The following KLHL12 variants were observed in gnomAD, a reference collection of about 807,000 sequenced individuals.
The protein encoded by KLHL12 is kelch-like protein 12.
Under a neutral mutation model 60.8 loss-of-function variants are expected in KLHL12, and 17 were observed. The ratio of observed to expected loss-of-function variants is 0.28; its 90% CI spans 0.19 to 0.42. KLHL12 has a LOEUF of 0.42. Ranked by LOEUF, KLHL12 falls within the 10% of genes least tolerant of loss-of-function variation. KLHL12 has a pLI of 1.00. For synonymous variants in KLHL12, 220 were observed against 250.9 expected (o/e 0.88, Z 1.16); for missense variants, 468 against 722.3 (o/e 0.65, Z 4.04).
rs952379164 is a variant in KLHL12 at position 202,909,167 on chromosome 1, G to A, written c.718-43C>T. The A allele has an allele frequency of 8.1e-7, 1 of 1,228,422 alleles. No homozygotes were observed. Among genetic ancestry groups the A allele is most frequent in the African/African-American group, 1.5e-5 (1 of 67,100 alleles). The allele number at this position is 1,228,422 out of a possible 1,614,324, so 76.1% of individuals were successfully genotyped here. ...GCAGAGTTAGGCACTGGGGATACCT[G>A]TAATACTATAAGAGTACAAAGAGCA... On this transcript the variant is annotated intron_variant, in intron 5 of 11. Transcript: ENST00000367261. The surrounding 1 kb of genome is among the most constrained non-coding windows in gnomAD (Gnocchi z 4.1).
chr1:202,915,893 G>A (rs1299871889), intron 4 of KLHL12, among the ~76,000 whole-genome samples: 1 of 152,236 alleles, frequency 6.6e-6, no homozygotes, highest in African/African-American at 2.4e-5. Flanking sequence ...TGCAGCACAT[G>A]GAAATGTTCT....
rs377719791 is a variant in KLHL12 at position 202,895,761 on chromosome 1, A to T, written c.940-44T>A. ...GAGGTACAGAGCATTTCAGTTAGGC[A>T]AGTTTTGGGCCTTACCTTTTGCTAT... On this transcript the variant is annotated intron_variant, in intron 7 of 11. Coordinates refer to ENST00000367261, the MANE Select transcript of KLHL12 (RefSeq NM_021633.4). The surrounding 1 kb of genome is among the most constrained non-coding windows in gnomAD (Gnocchi z 4.2). 6 of 1,523,330 alleles carry T rather than the reference A, an allele frequency of 3.9e-6. No individual in the cohort carries two copies. In the African/African-American group the frequency reaches 6.8e-5, roughly 17 times the overall value. 94.4% of individuals were successfully genotyped at this position (1,523,330 alleles called of 1,614,324 possible). A position where few individuals can be genotyped will look rare whatever the true frequency, so the allele number is the denominator to read the frequency against.
chr1:202,897,257 C>T (rs1320213693), intron 6 of KLHL12, among the ~76,000 whole-genome samples: 1 of 101,708 alleles, frequency 9.8e-6, no homozygotes, highest in Non-Finnish European at 1.9e-5. Flanking sequence ...TTTTTGGAGA[C>T]AGAGTTTCGC....
At chr1:202,912,071 CA>C in intron 4 of KLHL12, 1 of 793,204 alleles carries the variant, frequency 1.3e-6, no homozygotes, top group Non-Finnish European at 2.2e-6. Context: ...GTTGGAGAAC[CA>C]AAGAGAGCTG....
In KLHL12 at chr1:202,918,170, C is replaced by T; in HGVS notation, c.567+1G>A. 2 of 1,607,940 alleles carry T rather than the reference C, an allele frequency of 1.2e-6. No individual in the cohort carries two copies. The highest frequency in any genetic ancestry group is 1.7e-6 in the Non-Finnish European group (2 of 1,174,416). ...ACCATAACATCAAGACAAATCCGTA[C>T]CTGAATTTCGTCGCACTTGATTAGC... On this transcript the variant is annotated splice_donor_variant, in intron 4 of 11. Coordinates refer to ENST00000367261, the MANE Select transcript of KLHL12 (RefSeq NM_021633.4). LOFTEE classifies it high-confidence loss of function.
At chr1:202,916,340 C>T (rs1213883379) in intron 4 of KLHL12, among the ~76,000 whole-genome samples, 1 of 152,248 alleles carries the variant, frequency 6.6e-6, no homozygotes, top group Non-Finnish European at 1.5e-5. Context: ...TAAAGAAACA[C>T]TTGGCTAAAA....
chr1:202,899,961 T>G (rs1659957340), intron 6 of KLHL12, among the ~76,000 whole-genome samples: 2 of 152,106 alleles, frequency 1.3e-5, no homozygotes, highest in Non-Finnish European at 2.9e-5. Flanking sequence ...AAGTTATTTG[T>G]TTCTTCTTTG....
chr1:202,893,762 T>C lies in KLHL12; in HGVS notation c.1394-337A>G, dbSNP rs766515278. 1.3e-5 allele frequency among the ~76,000 whole-genome samples: 2 copies of C among 152,248 alleles called. No homozygotes were observed. The highest frequency in any genetic ancestry group is 1.5e-5 in the Non-Finnish European group (1 of 68,046). On this transcript the variant is annotated intron_variant, in intron 10 of 11. Coordinates refer to ENST00000367261, the MANE Select transcript of KLHL12 (RefSeq NM_021633.4). This position sits in a 1 kb window ranked among gnomAD's most constrained non-coding sequence, Gnocchi z 4.1. ...GAGGGAAAGGAGTTGTGATTATGGT[T>C]CTGAAGCAATTTTTACCCAGAGTAA...
chr1:202,904,264 A>G (rs2102422083), intron 6 of KLHL12, among the ~76,000 whole-genome samples: 1 of 152,272 alleles, frequency 6.6e-6, no homozygotes, highest in East Asian at 1.9e-4. Context: ...TCAGCCTCCC[A>G]AAGCGCTGGG....
intron 6 of KLHL12, among the ~76,000 whole-genome samples, chr1:202,902,113 C>T (rs1392127878): frequency 1.3e-5 from 2 of 152,092 alleles, no homozygotes; most frequent in African/African-American, 4.8e-5. Flanking sequence ...AATTTCCTTC[C>T]AGCCTTGTTT....
rs1308350530 is a variant in KLHL12 at position 202,891,507 on chromosome 1, G to T, written c.*1026C>A. The T allele has an allele frequency of 2.6e-5, 4 of 152,340 alleles. No individual in the cohort carries two copies. The highest frequency in any genetic ancestry group is 9.7e-5 in the African/African-American group (4 of 41,436). 9.4% of individuals were successfully genotyped at this position (152,340 alleles called of 1,614,324 possible). The stretch of plus-strand genomic sequence containing the variant: ...CAGACATGTGCTTCTAAAAGAATGG[G>T]GCAGTAATCAGGTAGCTGAACTACT... On this transcript the variant is annotated 3_prime_UTR_variant, in exon 12 of 12. Coordinates refer to ENST00000367261, the MANE Select transcript of KLHL12 (RefSeq NM_021633.4).
At chr1:202,926,171 C>T (rs1374114374) in intron 1 of KLHL12, among the ~76,000 whole-genome samples, 2 of 151,320 alleles carry the variant, frequency 1.3e-5, no homozygotes, top group Non-Finnish European at 2.9e-5. Flanking sequence ...ATGGAAACCA[C>T]GCAAGTTATC....
chr1:202,913,903 TG>T (rs1423463190), intron 4 of KLHL12, among the ~76,000 whole-genome samples: 4 of 152,238 alleles, frequency 2.6e-5, no homozygotes, highest in African/African-American at 9.6e-5. Flanking sequence ...ACATTTCAAG[TG>T]CCCAACAGCA....
rs1351379266 is a variant in KLHL12, at chr1:202,895,677, A to C, written c.980T>G (p.Leu327Arg). Reference sequence around the variant, plus strand: ...ACCAATGACGTAGATCCGGTCATGAAGGGACACTGAGGCCACATAACGTCT... The same window carrying C: ...ACCAATGACGTAGATCCGGTCATGACGGGACACTGAGGCCACATAACGTCT... ...RKRRYVASVSLHDRIYVIGGY... is the reference protein window; with the variant it reads ...RKRRYVASVSRHDRIYVIGGY... The change falls in exon 8 of 12, where the codon CTT becomes CGT. Residue 327 changes from leucine to arginine, a missense_variant. By Grantham distance (102) the Leu-to-Arg change is moderately radical. Coordinates refer to ENST00000367261, the MANE Select transcript of KLHL12 (RefSeq NM_021633.4). This position sits in a 1 kb window ranked among gnomAD's most constrained non-coding sequence, Gnocchi z 4.2. The C allele has an allele frequency of 1.2e-6, 2 of 1,614,170 alleles. No homozygotes were observed. The highest frequency in any genetic ancestry group is 1.7e-5 in the Admixed American group (1 of 60,022).
chr1:202,928,287 AAG>A (rs1653714639), upstream of KLHL12, among the ~76,000 whole-genome samples: 1 of 150,476 alleles, frequency 6.6e-6, no homozygotes, highest in Admixed American at 6.6e-5. Flanking sequence ...AAAAAAAAAA[AAG>A]AAAAAAGAAA....
intron 8 of KLHL12, 23 bp from the exon 9 acceptor site, chr1:202,894,772 A>G: frequency 6.3e-7 from 1 of 1,587,792 alleles, no homozygotes; most frequent in East Asian, 2.2e-5. Flanking sequence ...AACAAATTAC[A>G]GACTATTAGA....
At chr1:202,912,501 A>G in intron 4 of KLHL12, 2 of 962,412 alleles carry the variant, frequency 2.1e-6, no homozygotes, top group Non-Finnish European at 3.3e-6. Context: ...GATGGCGATA[A>G]TGGATTTGGT....
At chr1:202,901,875 T>C (rs1660017902) in intron 6 of KLHL12, among the ~76,000 whole-genome samples, 1 of 152,208 alleles carries the variant, frequency 6.6e-6, no homozygotes, top group Non-Finnish European at 1.5e-5. Context: ...AGCACAAAAA[T>C]GATTTTCTTT....
chr1:202,904,130 G>A (rs907885731), intron 6 of KLHL12, among the ~76,000 whole-genome samples: 8 of 151,588 alleles, frequency 5.3e-5, no homozygotes, highest in African/African-American at 1.9e-4. Flanking sequence ...GCAATTTCCC[G>A]AGTAGCTGGG....
Sources: gnomAD v4.1 joint callset for allele counts (sites outside exome capture counted in the v4.1 genomes callset) on GRCh38, gnomAD v4.1.1 for gene constraint, Gnocchi (gnomAD v3.1) non-coding constraint, MANE v1.5 for transcripts, NCBI Gene and HGNC (gene_info 2026-07-23, HGNC 2026-07-21) for gene names.